Variants in LRMDA observed in about 807,000 individuals in gnomAD.
The protein encoded by LRMDA is leucine rich melanocyte differentiation associated.
Under a neutral mutation model 29.8 loss-of-function variants are expected in LRMDA, and 18 were observed. The ratio of observed to expected loss-of-function variants is 0.60; its 90% CI spans 0.42 to 0.90. LRMDA has a LOEUF of 0.90. Among genes scored for constraint, LRMDA ranks in the 40% least tolerant of loss-of-function variants. The pLI, the probability that LRMDA is intolerant of heterozygous loss-of-function variation, is 0.00. For synonymous variants in LRMDA, 125 were observed against 109.4 expected (o/e 1.14, Z -0.89); for missense variants, 273 against 273.9 (o/e 1.00, Z 0.02).
intron 2 of LRMDA, among the ~76,000 whole-genome samples, chr10:76,026,900 T>C (rs971300412): frequency 2.0e-5 from 3 of 152,370 alleles, no homozygotes; most frequent in Middle Eastern, 3.4e-3. Context: ...ATAAGTATAG[T>C]GGCTCTGAGG....
intron 6 of LRMDA, among the ~76,000 whole-genome samples, chr10:76,397,380 G>A (rs779726300): frequency 1.1e-4 from 16 of 152,144 alleles, no homozygotes; most frequent in Non-Finnish European, 1.9e-4. Flanking sequence ...AGGGGGCAGG[G>A]GCCACTAGCA....
intron 5 of LRMDA, among the ~76,000 whole-genome samples, chr10:76,144,368 T>C (rs1589347971): frequency 6.6e-6 from 1 of 152,204 alleles, no homozygotes; most frequent in African/African-American, 2.4e-5. Flanking sequence ...TTTATTTCCT[T>C]GAGCAGTGGT....
At chr10:76,554,100 G>T (rs1343957082) in intron 6 of LRMDA, among the ~76,000 whole-genome samples, 1 of 152,166 alleles carries the variant, frequency 6.6e-6, no homozygotes, top group Non-Finnish European at 1.5e-5. Flanking sequence ...CAGCAGAACA[G>T]AACTGCCAGG....
At chr10:76,339,934 ACT>A (rs1233197900) in intron 6 of LRMDA, among the ~76,000 whole-genome samples, 3 of 141,920 alleles carry the variant, frequency 2.1e-5, no homozygotes, top group Admixed American at 7.3e-5. Flanking sequence ...ATGGAAAATT[ACT>A]CTTTTTCTCT....
chr10:76,536,412 C>G lies in LRMDA; in HGVS notation c.602-20797C>G, dbSNP rs947918020. The stretch of plus-strand genomic sequence containing the variant: ...TGGTTCTCAAGGGTGGGCCCCAGAC[C>G]GGCAGTGTCACATCACTGGGGTCTC... On this transcript the variant is annotated intron_variant, in intron 6 of 6. Coordinates refer to ENST00000611255, the MANE Select transcript of LRMDA (RefSeq NM_001305581.2). Among the ~76,000 whole-genome samples the G allele has an allele frequency of 2.6e-5, 4 of 151,970 alleles. No individual in the cohort carries two copies. The East Asian group carries it at 5.8e-4, about 22-fold the overall frequency.
intron 6 of LRMDA, chr10:76,556,336 G>A (rs1362018918): frequency 2.0e-5 from 3 of 152,056 alleles, no homozygotes; most frequent in African/African-American, 4.8e-5. Flanking sequence ...TGTCCATGTG[G>A]TGTTTTTTTT....
At chr10:76,010,064 C>T (rs1002315801) in intron 2 of LRMDA, among the ~76,000 whole-genome samples, 1 of 152,166 alleles carries the variant, frequency 6.6e-6, no homozygotes, top group African/African-American at 2.4e-5. Context: ...AGTTCCCTCC[C>T]CCTGAAGGTG....
intron 5 of LRMDA, among the ~76,000 whole-genome samples, chr10:76,108,249 TGTCATCATAGA>T (rs930149292): frequency 6.6e-6 from 1 of 152,174 alleles, no homozygotes; most frequent in Non-Finnish European, 1.5e-5. Context: ...CGAACAAATC[TGTCATCATAGA>T]GTCACTGGGG....
intron 4 of LRMDA, among the ~76,000 whole-genome samples, chr10:76,051,166 C>T (rs536167254): frequency 6.6e-6 from 1 of 152,360 alleles, no homozygotes; most frequent in African/African-American, 2.4e-5. Flanking sequence ...CACCATTTCC[C>T]AGACGAATAG....
At chr10:75,555,418 T>A (rs766201864) in intron 2 of LRMDA, among the ~76,000 whole-genome samples, 7 of 151,996 alleles carry the variant, frequency 4.6e-5, no homozygotes, top group Non-Finnish European at 1.0e-4. Flanking sequence ...AGGAGTGGGG[T>A]CTCTGAAAGG....
chr10:76,554,543 G>T (rs554085833), intron 6 of LRMDA, among the ~76,000 whole-genome samples: 1 of 152,166 alleles, frequency 6.6e-6, no homozygotes, highest in South Asian at 2.1e-4. Context: ...ACACCTAGCC[G>T]CAGTCTCCTG....
At chr10:76,239,247 C>T (rs750569817) in intron 5 of LRMDA, among the ~76,000 whole-genome samples, 1 of 152,086 alleles carries the variant, frequency 6.6e-6, no homozygotes, top group Admixed American at 6.5e-5. Flanking sequence ...TCCTTCTCCC[C>T]CAATCCTAAC....
chr10:75,636,899 A>G (rs1278903529), intron 2 of LRMDA, among the ~76,000 whole-genome samples: 1 of 152,154 alleles, frequency 6.6e-6, no homozygotes, highest in Non-Finnish European at 1.5e-5. Flanking sequence ...AGGCAATCTG[A>G]AAGAAACAAA....
chr10:76,240,504 A>T (rs1852253740), intron 5 of LRMDA, among the ~76,000 whole-genome samples: 1 of 146,746 alleles, frequency 6.8e-6, no homozygotes, highest in Non-Finnish European at 1.5e-5. Context: ...ATGTGGTGAA[A>T]AGGGAACACT....
intron 2 of LRMDA, among the ~76,000 whole-genome samples, chr10:75,726,203 G>A (rs1435978255): frequency 2.0e-5 from 3 of 152,220 alleles, no homozygotes; most frequent in Admixed American, 6.5e-5. Flanking sequence ...ATTAAGCATG[G>A]AATGCCATTA....
intron 2 of LRMDA, among the ~76,000 whole-genome samples, chr10:75,572,058 A>G (rs1296511119): frequency 6.6e-6 from 1 of 152,042 alleles, no homozygotes; most frequent in Non-Finnish European, 1.5e-5. Context: ...GGTTCAAGCG[A>G]TTCTCTTGCC....
At chr10:75,497,707 A>G (rs545139659) in intron 2 of LRMDA, among the ~76,000 whole-genome samples, 19 of 151,612 alleles carry the variant, frequency 1.3e-4, no homozygotes, top group African/African-American at 4.6e-4. Flanking sequence ...TTAAGATCAT[A>G]TAGTATATAT....
chr10:75,985,588 C>T (rs1847249522), intron 2 of LRMDA, among the ~76,000 whole-genome samples: 1 of 152,206 alleles, frequency 6.6e-6, no homozygotes, highest in Non-Finnish European at 1.5e-5. Context: ...TCCACAAGAT[C>T]CCAGACTGGG....
intron 2 of LRMDA, among the ~76,000 whole-genome samples, chr10:75,854,219 C>T (rs1270193618): frequency 6.6e-6 from 1 of 152,086 alleles, no homozygotes; most frequent in African/African-American, 2.4e-5. Context: ...AAGTCTCGAC[C>T]ATCTATAAGA....
Sources: allele counts gnomAD v4.1 joint callset (sites outside exome capture counted in the v4.1 genomes callset), GRCh38; gene constraint gnomAD v4.1.1; transcripts MANE v1.5; gene names NCBI Gene and HGNC (gene_info 2026-07-23, HGNC 2026-07-21).